Variants in DPEP2 observed in about 807,000 individuals in gnomAD.
DPEP2 encodes the protein dipeptidase 2.
Under a neutral mutation model 51.8 loss-of-function variants are expected in DPEP2, and 45 were observed. The observed-to-expected ratio is 0.87, with a 90% CI of 0.68 to 1.11. The LOEUF (loss-of-function observed/expected upper bound fraction) is 1.11, where lower values mean the gene tolerates loss of function less well. Among genes scored for constraint, DPEP2 ranks in the 50% most tolerant of loss-of-function variants. The pLI is 0.00. For missense variants in DPEP2, 604 were observed against 631.9 expected (o/e 0.96, Z 0.47); for synonymous variants, 255 against 262.7 (o/e 0.97, Z 0.28).
At chr16:67,998,450 G>T (rs371887938) in intron 1 of DPEP2, among the ~76,000 whole-genome samples, 6 of 152,132 alleles carry the variant, frequency 3.9e-5, no homozygotes, top group Admixed American at 3.3e-4. Flanking sequence ...CTGCCTTCCC[G>T]GGGGGGCAGG....
intron 1 of DPEP2, among the ~76,000 whole-genome samples, chr16:67,996,635 G>T (rs1250593085): frequency 3.0e-4 from 46 of 152,058 alleles, no homozygotes; most frequent in Non-Finnish European, 1.9e-4. Flanking sequence ...ACCCACCACG[G>T]CCTCCCAAAG....
chr16:67,999,536 G>T (rs562413618), upstream of DPEP2: 6 of 985,534 alleles, frequency 6.1e-6, no homozygotes, highest in South Asian at 2.8e-4. Context: ...GGTGAGGTTA[G>T]GGGGAGGATA....
At chr16:68,000,481 T>A (rs2032956320), upstream of DPEP2, 1 of 985,282 alleles carries the variant, frequency 1.0e-6, no homozygotes, top group South Asian at 4.7e-5. Context: ...GATGATCATC[T>A]GCATCCAAGC....
chr16:67,999,553 C>G, upstream of DPEP2: 1 of 980,510 alleles, frequency 1.0e-6, no homozygotes, highest in Non-Finnish European at 1.2e-6. Context: ...GATAGGCCTC[C>G]TGGTTGGCTA....
At position 67,993,180 on chromosome 16, in the gene DPEP2, C is replaced by T; in HGVS notation, c.33G>A (p.Thr11=). The change falls in exon 2 of 11, where the codon ACG becomes ACA. Residue 11 remains threonine (T), a synonymous_variant. Transcript: ENST00000393847. ...GACTCAGCAGAGGCCACCGACCAAA[C>T]GTGCCGGGACCCTCGAGGCCGGAGG... MQPSGLEGPG[T]FGRWPLLSLL... The T allele has an allele frequency of 1.3e-6, 2 of 1,487,270 alleles. No individual in the cohort carries two copies. Among genetic ancestry groups the T allele is most frequent in the Non-Finnish European group, 1.8e-6 (2 of 1,114,958 alleles). 92.1% of individuals were successfully genotyped at this position (1,487,270 alleles called of 1,614,324 possible).
At chr16:67,999,582 G>A, upstream of DPEP2, 1 of 855,330 alleles carries the variant, frequency 1.2e-6, no homozygotes, top group Non-Finnish European at 1.4e-6. Context: ...TTACTTCTGG[G>A]GCATGAGTGT....
chr16:67,996,035 AATT>A (rs1248540970), intron 1 of DPEP2, among the ~76,000 whole-genome samples: 2 of 151,880 alleles, frequency 1.3e-5, no homozygotes, highest in African/African-American at 4.8e-5. Flanking sequence ...AATATGTGCA[AATT>A]ATTATTATTA....
chr16:67,992,333 T>A, intron 3 of DPEP2, 140 bp from the exon 4 acceptor site: 1 of 1,435,522 alleles, frequency 7.0e-7, no homozygotes. Context: ...AGGGTCTTCC[T>A]GGCCACCAAG....
chr16:68,000,086 C>T (rs2032936927), upstream of DPEP2, among the ~76,000 whole-genome samples: 1 of 152,118 alleles, frequency 6.6e-6, no homozygotes, highest in Admixed American at 6.6e-5. Context: ...ATCTGGCCAC[C>T]TCAGTGATGC....
chr16:67,988,179 T>C, intron 9 of DPEP2, 192 bp from the exon 10 acceptor site: 1 of 631,750 alleles, frequency 1.6e-6, no homozygotes. Context: ...TTATCAAAAC[T>C]TATTGAATCA....
At chr16:67,999,583 G>A, upstream of DPEP2, 2 of 850,130 alleles carry the variant, frequency 2.4e-6, no homozygotes, top group Non-Finnish European at 2.8e-6. Flanking sequence ...TACTTCTGGG[G>A]CATGAGTGTT....
At chr16:67,997,714 C>T (rs2032782787) in intron 1 of DPEP2, among the ~76,000 whole-genome samples, 1 of 151,930 alleles carries the variant, frequency 6.6e-6, no homozygotes, top group African/African-American at 2.4e-5. Context: ...GGGCTGGAGG[C>T]CAGGAGATCA....
At chr16:67,990,242 A>G in intron 7 of DPEP2, 111 bp from the exon 8 acceptor site, 1 of 971,422 alleles carries the variant, frequency 1.0e-6, no homozygotes, top group Non-Finnish European at 1.6e-6. Context: ...TTCAGGAGTC[A>G]GCAGAAACTT....
In DPEP2 at chr16:67,987,648, G is replaced by C; in HGVS notation, c.1319C>G (p.Thr440Ser). 6.2e-7 allele frequency: 1 copy of C among 1,614,220 alleles called. No individual in the cohort carries two copies. Among genetic ancestry groups the C allele is most frequent in the Non-Finnish European group, 8.5e-7 (1 of 1,180,042 alleles). Residue 440 changes from threonine to serine, a missense_variant, in exon 11 of 11, where the codon ACT (threonine) becomes AGT (serine). Thr to Ser is a moderately conservative substitution (Grantham distance 58). Coordinates refer to ENST00000393847, the MANE Select transcript of DPEP2 (RefSeq NM_022355.4). The stretch of plus-strand genomic sequence containing the variant: ...AATCTCAGTGAGTTCCTGGCCTGAA[G>C]TCAGACTCTGTCTCTGACGCAGACG... Reference protein sequence around the residue: ...LSRLRQRQSLTSGQELTEIPI... With the variant: ...LSRLRQRQSLSSGQELTEIPI...
chr16:67,995,214 TTA>T (rs2032618703), intron 1 of DPEP2, among the ~76,000 whole-genome samples: 2 of 151,814 alleles, frequency 1.3e-5, no homozygotes, highest in Non-Finnish European at 2.9e-5. Context: ...TTTTTATTTT[TTA>T]TTTATTTTTT....
At chr16:67,992,243 C>T (rs1294827983) in intron 3 of DPEP2, 50 bp from the exon 4 acceptor site, 11 of 1,596,620 alleles carry the variant, frequency 6.9e-6, no homozygotes. Context: ...TTTGGAGGAC[C>T]CTGGACTGCT....
intron 1 of DPEP2, among the ~76,000 whole-genome samples, chr16:67,995,512 C>T (rs1474635422): frequency 1.3e-5 from 2 of 152,198 alleles, no homozygotes; most frequent in Non-Finnish European, 2.9e-5. Context: ...TCCCCACACC[C>T]ACTGGAATAG....
At chr16:67,992,465 T>G (rs1452411843) in intron 3 of DPEP2, 45 bp downstream of exon 3, 1 of 1,578,646 alleles carries the variant, frequency 6.3e-7, no homozygotes, top group Admixed American at 1.8e-5. Context: ...CTCCCCATCA[T>G]CCCCCAGCAG....
intron 2 of DPEP2, 51 bp downstream of exon 2, chr16:67,992,899 T>G: frequency 6.4e-7 from 1 of 1,561,922 alleles, no homozygotes; most frequent in Non-Finnish European, 8.7e-7. Flanking sequence ...GGACCCTCCC[T>G]TGCCCAGGAG....
Sources: gnomAD v4.1 joint callset for allele counts (sites outside exome capture counted in the v4.1 genomes callset) on GRCh38, gnomAD v4.1.1 for gene constraint, MANE v1.5 for transcripts, NCBI Gene and HGNC (gene_info 2026-07-23, HGNC 2026-07-21) for gene names.